Variants in CSMD1 observed in about 807,000 individuals in gnomAD.
CSMD1 encodes the protein CUB and Sushi multiple domains 1, also known as CUB and sushi domain-containing protein 1.
In CSMD1, 213 loss-of-function variants were observed where a neutral mutation model predicts 417.5. That is an observed-to-expected ratio of 0.51 (90% CI 0.46 to 0.57). The LOEUF (loss-of-function observed/expected upper bound fraction) is 0.57, where lower values mean the gene tolerates loss of function less well. Ranked by LOEUF, CSMD1 falls within the 20% of genes least tolerant of loss-of-function variation. CSMD1 has a pLI of 0.00. For synonymous variants in CSMD1, 2,862 were observed against 1,736.8 expected (o/e 1.65, Z -16.11); for missense variants, 6,923 against 4,529.7 (o/e 1.53, Z -15.17).
chr8:3,028,573 T>C (rs1269788164), intron 51 of CSMD1, among the ~76,000 whole-genome samples: 1 of 152,222 alleles, frequency 6.6e-6, no homozygotes, highest in Non-Finnish European at 1.5e-5. Flanking sequence ...GTGTTCCTGG[T>C]GAAGAGCTTG....
At chr8:4,051,676 T>C (rs1446109110) in intron 3 of CSMD1, among the ~76,000 whole-genome samples, 1 of 152,070 alleles carries the variant, frequency 6.6e-6, no homozygotes, top group Non-Finnish European at 1.5e-5. Context: ...TTTTCTGTAC[T>C]GATCAAGGCC....
intron 54 of CSMD1, among the ~76,000 whole-genome samples, chr8:2,980,339 C>G (rs994812792): frequency 6.6e-6 from 1 of 151,782 alleles, no homozygotes; most frequent in Non-Finnish European, 1.5e-5. Context: ...TCCTCCTCCT[C>G]CTCCATTTCC....
chr8:3,478,764 A>G (rs891793627), intron 11 of CSMD1, among the ~76,000 whole-genome samples: 1 of 152,140 alleles, frequency 6.6e-6, no homozygotes, highest in Admixed American at 6.5e-5. Context: ...ACATCCAAGG[A>G]AGTCTTCATG....
At chr8:4,772,583 A>G (rs1281112278) in intron 1 of CSMD1, among the ~76,000 whole-genome samples, 2 of 152,238 alleles carry the variant, frequency 1.3e-5, no homozygotes, top group Non-Finnish European at 2.9e-5. Flanking sequence ...GAAAAATATC[A>G]AAGTGTTTTG....
At chr8:3,918,672 T>G (rs1809004005) in intron 5 of CSMD1, among the ~76,000 whole-genome samples, 1 of 152,134 alleles carries the variant, frequency 6.6e-6, no homozygotes, top group Non-Finnish European at 1.5e-5. Context: ...GGTATATGTT[T>G]ATATGATGGA....
intron 2 of CSMD1, among the ~76,000 whole-genome samples, chr8:4,509,372 C>T (rs1802699241): frequency 6.6e-6 from 1 of 152,110 alleles, no homozygotes; most frequent in Non-Finnish European, 1.5e-5. Flanking sequence ...GGTATTTGGT[C>T]TGGAACCATT....
chr8:4,202,376 T>A (rs1260399035), intron 3 of CSMD1, among the ~76,000 whole-genome samples: 11 of 152,230 alleles, frequency 7.2e-5, no homozygotes, highest in Admixed American at 5.9e-4. Flanking sequence ...TGCACACTTT[T>A]TTCTTCTAAC....
At chr8:3,919,174 G>A (rs1228288135) in intron 5 of CSMD1, among the ~76,000 whole-genome samples, 2 of 99,996 alleles carry the variant, frequency 2.0e-5, no homozygotes, top group African/African-American at 4.0e-5. Context: ...TGTACTTTTC[G>A]TGTCATATCC....
intron 3 of CSMD1, among the ~76,000 whole-genome samples, chr8:4,232,038 C>T (rs1801764308): frequency 6.6e-6 from 1 of 152,138 alleles, no homozygotes; most frequent in African/African-American, 2.4e-5. Context: ...AATATGTTGG[C>T]CTGATACTAT....
intron 1 of CSMD1, among the ~76,000 whole-genome samples, chr8:4,916,371 T>C (rs771237514): frequency 3.3e-5 from 5 of 152,238 alleles, no homozygotes; most frequent in Non-Finnish European, 7.3e-5. Context: ...GAAAAAAGTA[T>C]TCTGGTTATA....
In CSMD1 at chr8:4,166,502, G is replaced by A. The variant is rs569916620; in HGVS notation, c.416-134403C>T. On this transcript the variant is annotated intron_variant, in intron 3 of 69. Transcript: ENST00000635120. ...CCATTACCCTAAGTTAAGTAACTCA[G>A]GAATGGAAAAGCAAATACTGTATAT... Among the ~76,000 whole-genome samples, 5 of 152,234 alleles carry A rather than the reference G, an allele frequency of 3.3e-5. No homozygotes were observed. The South Asian group carries it at 1.0e-3, about 32-fold the overall frequency.
chr8:3,096,928 C>T lies in CSMD1; in HGVS notation c.7059G>A (p.Val2353=). ...AGATGGTAATGTTGTAGTTTGGTTC[C>T]ACTTTAATACTCCAAGAGCAAGTCT... The part of the protein sequence containing the change: ...NSQTCSWSIK[V]EPNYNITIFV... Residue 2353 remains valine (V), a synonymous_variant, in exon 47 of 70, where the codon GTG becomes GTA. Transcript: ENST00000635120. The T allele has an allele frequency of 3.9e-6, 6 of 1,556,386 alleles. No homozygotes were observed. The highest frequency in any genetic ancestry group is 5.2e-6 in the Non-Finnish European group (6 of 1,148,826).
intron 5 of CSMD1, among the ~76,000 whole-genome samples, chr8:3,977,210 C>T (rs780986208): frequency 2.6e-5 from 4 of 152,238 alleles, no homozygotes; most frequent in East Asian, 3.9e-4. Context: ...TCAGTGAACA[C>T]GTGCTCTATT....
intron 3 of CSMD1, among the ~76,000 whole-genome samples, chr8:4,113,390 CTTTTTT>C (rs59647790): frequency 2.5e-3 from 203 of 81,194 alleles, no homozygotes; most frequent in African/African-American, 9.2e-3. Context: ...AATAAAAGGG[CTTTTTT>C]TTTTTTTTTT....
chr8:4,166,092 A>C (rs190965959), intron 3 of CSMD1, among the ~76,000 whole-genome samples: 2 of 152,312 alleles, frequency 1.3e-5, no homozygotes, highest in East Asian at 3.9e-4. Flanking sequence ...TTACATTCTT[A>C]ATGATGAGGT....
At position 3,488,086 on chromosome 8, in the gene CSMD1, G is replaced by GTATTATTATTATTATTATTAT. The variant is rs34188243; in HGVS notation, c.1448+5516_1448+5536dup. 8.9e-4 allele frequency among the ~76,000 whole-genome samples: 132 copies of GTATTATTATTATTATTATTAT among 148,296 alleles called. 3 individuals carry two copies. Among genetic ancestry groups the GTATTATTATTATTATTATTAT allele is most frequent in the African/African-American group, 1.9e-3 (76 of 40,222 alleles). On this transcript the variant is annotated intron_variant, in intron 11 of 69. Coordinates refer to ENST00000635120, the MANE Select transcript of CSMD1 (RefSeq NM_033225.6). ...CCAAATAAATGTTTAGAAACTCATA[G>GTATTATTATTATTATTATTAT]TATTATTATTATTATTATTATTATT...
At chr8:3,937,626 C>G (rs1289453135) in intron 5 of CSMD1, among the ~76,000 whole-genome samples, 1 of 152,118 alleles carries the variant, frequency 6.6e-6, no homozygotes, top group Non-Finnish European at 1.5e-5. Context: ...ATGTCACTTG[C>G]TTTCTTGCAG....
intron 1 of CSMD1, among the ~76,000 whole-genome samples, chr8:4,840,365 A>T (rs1172796686): frequency 6.6e-6 from 1 of 152,192 alleles, no homozygotes; most frequent in Non-Finnish European, 1.5e-5. Flanking sequence ...AACTGTATGA[A>T]ACTAGCCGAT....
intron 6 of CSMD1, among the ~76,000 whole-genome samples, chr8:3,733,332 A>G (rs1796364060): frequency 6.7e-6 from 1 of 148,220 alleles, no homozygotes; most frequent in Non-Finnish European, 1.5e-5. Flanking sequence ...ACAAATATAT[A>G]TACACAGACA....
Sources: allele counts gnomAD v4.1 joint callset (sites outside exome capture counted in the v4.1 genomes callset), GRCh38; gene constraint gnomAD v4.1.1; transcripts MANE v1.5; gene names NCBI Gene and HGNC (gene_info 2026-07-23, HGNC 2026-07-21).